Variants in DMD observed in about 807,000 individuals in gnomAD.
DMD encodes dystrophin.
In DMD, 63 loss-of-function variants were observed where a neutral mutation model predicts 330.1. That is an observed-to-expected ratio of 0.19 (90% CI 0.16 to 0.24). The LOEUF (loss-of-function observed/expected upper bound fraction) is 0.24, where lower values mean the gene tolerates loss of function less well. Ranked by LOEUF, DMD falls within the 10% of genes least tolerant of loss-of-function variation. The pLI is 1.00. For synonymous variants in DMD, 1,223 were observed against 959.8 expected (o/e 1.27, Z -5.07); for missense variants, 3,344 against 2,684.1 (o/e 1.25, Z -5.43).
chrX:32,005,102 C>A (rs1293917), intron 44 of DMD, among the ~76,000 whole-genome samples: 1 of 109,796 alleles, frequency 9.1e-6, no homozygotes, highest in African/African-American at 3.3e-5. Flanking sequence ...TGCAAACTAG[C>A]CTCAAAGGAC....
intron 1 of DMD, among the ~76,000 whole-genome samples, chrX:33,092,191 A>G (rs1396974321): frequency 8.9e-6 from 1 of 111,908 alleles, no homozygotes; most frequent in African/African-American, 3.2e-5. Flanking sequence ...AGTTGGACAC[A>G]GAGCAGCCAT....
intron 62 of DMD, chrX:31,261,620 A>C (rs1234615409): frequency 8.5e-6 from 1 of 117,988 alleles, no homozygotes; most frequent in Non-Finnish European, 1.8e-5. Flanking sequence ...TTTTTCTTTA[A>C]ACGCAGTACG....
intron 9 of DMD, among the ~76,000 whole-genome samples, chrX:32,666,333 T>G (rs1406521125): frequency 2.7e-5 from 3 of 110,632 alleles, no homozygotes; most frequent in African/African-American, 9.9e-5. Context: ...CATTAGGTAT[T>G]TATCCTAATG....
intron 7 of DMD, among the ~76,000 whole-genome samples, chrX:32,719,896 T>C (rs2066097927): frequency 9.1e-6 from 1 of 110,320 alleles, no homozygotes; most frequent in African/African-American, 3.3e-5. Flanking sequence ...ATATAATACG[T>C]TGTTATCCCA....
At chrX:33,033,627 G>A (rs1283853816) in intron 1 of DMD, among the ~76,000 whole-genome samples, 1 of 108,959 alleles carries the variant, frequency 9.2e-6, no homozygotes, top group Non-Finnish European at 1.9e-5. Flanking sequence ...GCTGAGACAG[G>A]AGAATGGCTG....
chrX:32,177,105 T>A (rs2096909187), intron 44 of DMD, among the ~76,000 whole-genome samples: 2 of 111,998 alleles, frequency 1.8e-5, no homozygotes, highest in Admixed American at 1.9e-4. Context: ...ACGTCTCCTG[T>A]ATTTTTCTCA....
chrX:31,901,854 T>C (rs963956009), intron 47 of DMD, among the ~76,000 whole-genome samples: 10 of 111,723 alleles, frequency 9.0e-5, no homozygotes, highest in African/African-American at 3.2e-4. Context: ...GTATTTATTG[T>C]GTACAACATG....
chrX:32,234,239 T>C (rs2097179688), intron 43 of DMD, among the ~76,000 whole-genome samples: 1 of 112,012 alleles, frequency 8.9e-6, no homozygotes, highest in Admixed American at 9.5e-5. Flanking sequence ...AAAAGACAGA[T>C]GGGTTATTAT....
rs999956325 is a variant in DMD at position 32,709,872 on chromosome X, G to A, written c.650-10579C>T. ...ACCACAAAGGCAGGAACTTCCTTTA[G>A]ATTGTTTTACCAATGACTGAGAAGT... On this transcript the variant is annotated intron_variant, in intron 7 of 78. Transcript: ENST00000357033. 5.4e-5 allele frequency among the ~76,000 whole-genome samples: 6 copies of A among 111,425 alleles called. No homozygotes were observed. In the Admixed American group the frequency reaches 5.8e-4, roughly 11 times the overall value.
chrX:33,101,459 G>C (rs765131162), intron 1 of DMD, among the ~76,000 whole-genome samples: 1 of 111,589 alleles, frequency 9.0e-6, no homozygotes. Context: ...GTGAAACCCC[G>C]TCTCTACTAA....
intron 2 of DMD, among the ~76,000 whole-genome samples, chrX:32,949,288 ACACG>A (rs1326757090): frequency 7.2e-5 from 7 of 97,714 alleles, no homozygotes; most frequent in East Asian, 3.1e-4. Context: ...ACACACACAC[ACACG>A]CACACATAAT....
chrX:32,834,059 C>A (rs866072461), intron 4 of DMD, among the ~76,000 whole-genome samples: 6 of 111,147 alleles, frequency 5.4e-5, no homozygotes, highest in Admixed American at 9.7e-5. Context: ...TCTTCCATAA[C>A]AAGTATTTTG....
At chrX:31,802,231 C>A (rs1236338455) in intron 50 of DMD, among the ~76,000 whole-genome samples, 6 of 109,577 alleles carry the variant, frequency 5.5e-5, no homozygotes, top group African/African-American at 2.0e-4. Flanking sequence ...AAACAGAGTT[C>A]TGTCTGTCAT....
chrX:31,415,287 T>C (rs1026885206), intron 60 of DMD, among the ~76,000 whole-genome samples: 48 of 112,799 alleles, frequency 4.3e-4, no homozygotes, highest in African/African-American at 1.5e-3. Flanking sequence ...TCTTATTTCC[T>C]TTCTCTTACT....
intron 49 of DMD, among the ~76,000 whole-genome samples, chrX:31,820,789 A>G (rs952707354): frequency 8.9e-6 from 1 of 111,864 alleles, no homozygotes; most frequent in African/African-American, 3.3e-5. Context: ...GCAAGCCTGT[A>G]TATGGCCAGT....
chrX:31,209,619 G>A lies in DMD; in HGVS notation c.9442C>T (p.Leu3148=). 8.3e-7 allele frequency: 1 copy of A among 1,211,521 alleles called. No homozygotes were observed. The highest frequency in any genetic ancestry group is 1.1e-6 in the Non-Finnish European group (1 of 895,316). The part of the protein sequence containing the change: ...LKQNDQPMDI[L]QIINCLTTIY... ...GTGGTCAAACAATTAATAATCTGCA[G>A]GATATCCATGGGCTGGTCATTTTGC... The change falls in exon 65 of 79, where the codon CTG becomes TTG. Residue 3148 remains leucine, a synonymous_variant. Coordinates refer to ENST00000357033, the MANE Select transcript of DMD (RefSeq NM_004006.3).
chrX:32,384,128 C>G (rs900073825), intron 33 of DMD, among the ~76,000 whole-genome samples: 1 of 109,903 alleles, frequency 9.1e-6, no homozygotes, highest in Non-Finnish European at 1.9e-5. Flanking sequence ...TTTATAATTA[C>G]AAAAACAATA....
Position 31,931,990 on chromosome X carries a change from T to A in DMD, c.6762+90A>T, listed in dbSNP as rs1382343924. 2.9e-6 allele frequency: 3 copies of A among 1,040,537 alleles called. No homozygotes were observed. The Admixed American group carries it at 6.8e-5, about 24-fold the overall frequency. The allele number at this position is 1,040,537 out of a possible 1,213,427, so 85.8% of individuals were successfully genotyped here. On this transcript the variant is annotated intron_variant, in intron 46 of 78. Coordinates refer to ENST00000357033, the MANE Select transcript of DMD (RefSeq NM_004006.3). ...TAGCAAGGAACTATGAATAACCTAA[T>A]GGGCAGAAAACCAATGATTGAATTA...
chrX:32,030,468 T>C (rs192760506), intron 44 of DMD, among the ~76,000 whole-genome samples: 545 of 112,337 alleles, frequency 4.9e-3, no homozygotes, highest in South Asian at 0.023. Flanking sequence ...CAAATATTTA[T>C]TGAACACCTA....
Sources: gnomAD v4.1 joint callset for allele counts (sites outside exome capture counted in the v4.1 genomes callset) on GRCh38, gnomAD v4.1.1 for gene constraint, MANE v1.5 for transcripts, NCBI Gene and HGNC (gene_info 2026-07-23, HGNC 2026-07-21) for gene names.